Variants in ZNF804B observed in about 807,000 individuals in gnomAD.
ZNF804B encodes zinc finger protein 804B.
A neutral mutation model predicts 101.4 loss-of-function variants in ZNF804B; 80 were observed. That is an observed-to-expected ratio of 0.79 (90% CI 0.66 to 0.95). The LOEUF is 0.95. ZNF804B is among the 40% of genes least tolerant of loss of function. The pLI, the probability that ZNF804B is intolerant of heterozygous loss-of-function variation, is 0.00. For missense variants in ZNF804B, 1,673 were observed against 1,561.9 expected (o/e 1.07, Z -1.20); for synonymous variants, 622 against 558.8 (o/e 1.11, Z -1.59).
intron 1 of ZNF804B, among the ~76,000 whole-genome samples, chr7:89,110,940 A>G (rs57423451): frequency 0.014 from 2,165 of 152,024 alleles, 55 homozygotes; most frequent in African/African-American, 0.05. Flanking sequence ...CTGTTTCTAT[A>G]GTTTTTCTTT....
chr7:88,821,559 G>A lies in ZNF804B; in HGVS notation c.108+61475G>A, dbSNP rs1028422554. On this transcript the variant is annotated intron_variant, in intron 1 of 3. Transcript: ENST00000333190. Reference sequence around the variant, plus strand: ...TATTTAAACAATATCCTTTGGCCACGTGCAAGGTTATTGTAAACTTGCAGA... The same window carrying A: ...TATTTAAACAATATCCTTTGGCCACATGCAAGGTTATTGTAAACTTGCAGA... 9.2e-5 allele frequency among the ~76,000 whole-genome samples: 14 copies of A among 152,236 alleles called. 1 individual carries two copies. The South Asian group carries it at 2.1e-3, about 23-fold the overall frequency.
At chr7:89,169,562 CTG>C (rs1791194351) in intron 1 of ZNF804B, among the ~76,000 whole-genome samples, 2 of 152,104 alleles carry the variant, frequency 1.3e-5, no homozygotes, top group African/African-American at 4.8e-5. Context: ...CCAGCTAGTC[CTG>C]TCTCTCAATA....
intron 1 of ZNF804B, among the ~76,000 whole-genome samples, chr7:88,858,846 T>A (rs903264688): frequency 1.3e-5 from 2 of 152,180 alleles, no homozygotes; most frequent in African/African-American, 4.8e-5. Flanking sequence ...AACTGTGAAC[T>A]TGATGCCAAT....
At chr7:88,804,778 C>G (rs1790659184) in intron 1 of ZNF804B, among the ~76,000 whole-genome samples, 1 of 152,008 alleles carries the variant, frequency 6.6e-6, no homozygotes, top group Middle Eastern at 3.2e-3. Context: ...TTTGGTTCAG[C>G]TTTGAACAAT....
At chr7:89,294,116 AC>A (rs1474037054) in intron 2 of ZNF804B, among the ~76,000 whole-genome samples, 1 of 152,130 alleles carries the variant, frequency 6.6e-6, no homozygotes, top group Non-Finnish European at 1.5e-5. Context: ...GGTTTTCCTG[AC>A]ACTGCAACTC....
At chr7:88,968,459 A>G (rs563149339) in intron 1 of ZNF804B, among the ~76,000 whole-genome samples, 1 of 151,516 alleles carries the variant, frequency 6.6e-6, no homozygotes, top group Non-Finnish European at 1.5e-5. Flanking sequence ...CTCTCTTACT[A>G]TCCTGATGGA....
In ZNF804B at chr7:89,338,517, G is replaced by A. The variant is rs1791138831; in HGVS notation, c.*1485G>A. Among the ~76,000 whole-genome samples, 1 of 151,988 alleles carries A rather than the reference G, an allele frequency of 6.6e-6. No individual in the cohort carries two copies. Among genetic ancestry groups the A allele is most frequent in the African/African-American group, 2.4e-5 (1 of 41,434 alleles). On this transcript the variant is annotated 3_prime_UTR_variant, in exon 4 of 4. Transcript: ENST00000333190. Reference sequence around the variant, plus strand: ...TCGTTGATTCAGGAGAGACTGGTGAGAGAGAAAGAGAAAGAAAGGGTGGAG... The same window carrying A: ...TCGTTGATTCAGGAGAGACTGGTGAAAGAGAAAGAGAAAGAAAGGGTGGAG...
At chr7:89,034,148 A>T (rs1005734632) in intron 1 of ZNF804B, among the ~76,000 whole-genome samples, 1 of 152,168 alleles carries the variant, frequency 6.6e-6, no homozygotes, top group Non-Finnish European at 1.5e-5. Flanking sequence ...CTTAATAAGC[A>T]TTTATTGAGT....
chr7:88,875,111 T>TGTTCTTTGAAACCAAC (rs1791907897), intron 1 of ZNF804B, among the ~76,000 whole-genome samples: 1 of 129,012 alleles, frequency 7.8e-6, no homozygotes, highest in Non-Finnish European at 1.6e-5. Flanking sequence ...TTGAAACCAA[T>TGTTCTTTGAAACCAAC]GAGAACAAAG....
At chr7:88,833,465 G>T (rs1257639699) in intron 1 of ZNF804B, among the ~76,000 whole-genome samples, 1 of 151,964 alleles carries the variant, frequency 6.6e-6, no homozygotes, top group East Asian at 1.9e-4. Context: ...CTGACATGTT[G>T]CTAGGGAGTT....
intron 1 of ZNF804B, among the ~76,000 whole-genome samples, chr7:88,850,264 G>A (rs959548377): frequency 2.0e-5 from 3 of 152,094 alleles, no homozygotes; most frequent in East Asian, 1.9e-4. Flanking sequence ...CATGGGGAGA[G>A]GGAACCCAGG....
At chr7:89,134,638 G>A (rs919128213) in intron 1 of ZNF804B, among the ~76,000 whole-genome samples, 24 of 152,118 alleles carry the variant, frequency 1.6e-4, no homozygotes, top group African/African-American at 5.3e-4. Context: ...TTCCTGCCTT[G>A]ACTCAGTTGA....
chr7:89,158,189 G>C (rs947529149), intron 1 of ZNF804B, among the ~76,000 whole-genome samples: 9 of 152,038 alleles, frequency 5.9e-5, no homozygotes, highest in Admixed American at 4.6e-4. Flanking sequence ...ACTCTCTTCA[G>C]CTCCAGATTC....
chr7:89,309,997 A>T (rs1290472868), intron 2 of ZNF804B, among the ~76,000 whole-genome samples: 1 of 151,888 alleles, frequency 6.6e-6, no homozygotes, highest in African/African-American at 2.4e-5. Flanking sequence ...TTCTTACTTA[A>T]ATATCAATAG....
intron 1 of ZNF804B, among the ~76,000 whole-genome samples, chr7:88,925,974 C>T (rs57194852): frequency 1.1e-3 from 174 of 152,104 alleles, no homozygotes; most frequent in African/African-American, 3.9e-3. Flanking sequence ...AAAATCTAGC[C>T]AGGATGTTGG....
intron 1 of ZNF804B, among the ~76,000 whole-genome samples, chr7:89,161,513 A>G (rs1419473444): frequency 6.6e-6 from 1 of 152,018 alleles, no homozygotes; most frequent in Non-Finnish European, 1.5e-5. Flanking sequence ...ACTGTAGACT[A>G]TTGAGATCAT....
At chr7:89,129,460 C>T (rs1477936313) in intron 1 of ZNF804B, among the ~76,000 whole-genome samples, 1 of 151,940 alleles carries the variant, frequency 6.6e-6, no homozygotes, top group African/African-American at 2.4e-5. Flanking sequence ...AATAAATGTG[C>T]ACTTCCCAAG....
chr7:88,846,935 TACAC>T (rs34253376), intron 1 of ZNF804B, among the ~76,000 whole-genome samples: 15,691 of 149,572 alleles, frequency 0.1, 1,332 homozygotes, highest in East Asian at 0.36. Context: ...TAAATGTGTA[TACAC>T]ACACACACAC....
chr7:89,274,621 C>T (rs548674073), intron 2 of ZNF804B, among the ~76,000 whole-genome samples: 1 of 151,678 alleles, frequency 6.6e-6, no homozygotes, highest in Non-Finnish European at 1.5e-5. Context: ...CCTTAGAAGA[C>T]ATGTTCCCCA....
Sources: gnomAD v4.1 joint callset for allele counts (sites outside exome capture counted in the v4.1 genomes callset) on GRCh38, gnomAD v4.1.1 for gene constraint, MANE v1.5 for transcripts, NCBI Gene and HGNC (gene_info 2026-07-23, HGNC 2026-07-21) for gene names.